GRM1: variants seen among roughly 807,000 people sequenced by gnomAD.
GRM1 encodes the protein glutamate metabotropic receptor 1.
Under a neutral mutation model 90.9 loss-of-function variants are expected in GRM1, and 33 were observed. The ratio of observed to expected loss-of-function variants is 0.36; its 90% CI spans 0.28 to 0.49. The LOEUF (loss-of-function observed/expected upper bound fraction) is 0.49. Ranked by LOEUF, GRM1 falls within the 20% of genes least tolerant of loss-of-function variation. GRM1 has a pLI of 0.99. For synonymous variants in GRM1, 700 were observed against 613.2 expected, an observed-to-expected ratio of 1.14 and a Z score of -2.09; for missense variants, 1,190 against 1,534.3, an observed-to-expected ratio of 0.78 and a Z score of 3.75.
intron 2 of GRM1, among the ~76,000 whole-genome samples, chr6:146,186,095 GTTTTTTT>G (rs111964915): frequency 3.0e-5 from 4 of 131,202 alleles, no homozygotes; most frequent in Admixed American, 2.3e-4. Context: ...ATTACAGCTG[GTTTTTTT>G]TTTTTTTTGT....
intron 6 of GRM1, among the ~76,000 whole-genome samples, chr6:146,394,870 C>T (rs1776871165): frequency 6.6e-6 from 1 of 152,030 alleles, no homozygotes; most frequent in Admixed American, 6.6e-5. Flanking sequence ...TCAAAGGTTT[C>T]TTTTGCAATT....
At chr6:146,154,390 C>T (rs900774930) in intron 1 of GRM1, among the ~76,000 whole-genome samples, 6 of 152,136 alleles carry the variant, frequency 3.9e-5, no homozygotes, top group African/African-American at 9.7e-5. Context: ...ATAAGCCATT[C>T]GCTGGCCAGC....
At chr6:146,302,005 G>C (rs1783401648) in intron 2 of GRM1, among the ~76,000 whole-genome samples, 1 of 151,950 alleles carries the variant, frequency 6.6e-6, no homozygotes, top group Non-Finnish European at 1.5e-5. Context: ...GACTTCCCAT[G>C]GTCTTCAGAC....
chr6:146,320,475 C>T (rs1266749721), intron 3 of GRM1, among the ~76,000 whole-genome samples: 1 of 152,142 alleles, frequency 6.6e-6, no homozygotes, highest in Non-Finnish European at 1.5e-5. Context: ...TGATGCTGGC[C>T]TCATAAAATG....
At chr6:146,187,327 T>C (rs2114568041) in intron 2 of GRM1, among the ~76,000 whole-genome samples, 1 of 152,248 alleles carries the variant, frequency 6.6e-6, no homozygotes, top group African/African-American at 2.4e-5. Context: ...ATAAAATAAA[T>C]GAAGACTGCA....
chr6:146,258,295 T>C (rs1296125824), intron 2 of GRM1, among the ~76,000 whole-genome samples: 1 of 152,200 alleles, frequency 6.6e-6, no homozygotes, highest in Non-Finnish European at 1.5e-5. Flanking sequence ...ATATGTATCA[T>C]GTGCCTATAT....
At position 146,437,106 on chromosome 6, in the gene GRM1, T is replaced by G. The variant is rs1318273426; in HGVS notation, c.*2310T>G. On this transcript the variant is annotated 3_prime_UTR_variant, in exon 8 of 8. Coordinates refer to ENST00000282753, the MANE Select transcript of GRM1 (RefSeq NM_001278064.2). ...ATCAATGGCTCCAGTGATTAATAGA[T>G]GGGTTTTTAGTAATTGACAAATTCA... 3 of 152,184 alleles carry G rather than the reference T, an allele frequency of 2.0e-5. No homozygotes were observed. The highest frequency in any genetic ancestry group is 6.5e-5 in the Admixed American group (1 of 15,280). 9.4% of individuals were successfully genotyped at this position (152,184 alleles called of 1,614,324 possible). A position where few individuals can be genotyped will look rare whatever the true frequency, so the allele number is the denominator to read the frequency against.
intron 2 of GRM1, among the ~76,000 whole-genome samples, chr6:146,225,526 CA>C (rs888887591): frequency 6.6e-6 from 1 of 151,994 alleles, no homozygotes; most frequent in Non-Finnish European, 1.5e-5. Context: ...ACTTCATTTT[CA>C]TTTTGAAGTA....
intron 2 of GRM1, among the ~76,000 whole-genome samples, chr6:146,279,300 CTT>C (rs1162579526): frequency 6.6e-6 from 1 of 151,976 alleles, no homozygotes; most frequent in African/African-American, 2.4e-5. Flanking sequence ...CAAATAATGA[CTT>C]TTGGTTTCTT....
chr6:146,292,434 A>T (rs1783018942), intron 2 of GRM1, among the ~76,000 whole-genome samples: 1 of 151,928 alleles, frequency 6.6e-6, no homozygotes, highest in South Asian at 2.1e-4. Flanking sequence ...CTTACAACTT[A>T]ACAAAATGCA....
intron 1 of GRM1, among the ~76,000 whole-genome samples, chr6:146,067,819 ATGT>A (rs1300669876): frequency 6.6e-6 from 1 of 152,206 alleles, no homozygotes; most frequent in South Asian, 2.1e-4. Flanking sequence ...AATTCTCAAA[ATGT>A]TGTGAAAATA....
At chr6:146,096,453 C>T (rs910729335) in intron 1 of GRM1, among the ~76,000 whole-genome samples, 2 of 152,176 alleles carry the variant, frequency 1.3e-5, no homozygotes, top group South Asian at 2.1e-4. Context: ...GCATTCCCAG[C>T]TGCTGGCCTG....
At position 146,399,586 on chromosome 6, in the gene GRM1, C is replaced by A. The variant is rs993938006; in HGVS notation, c.2547C>A (p.Ala849=). The A allele has an allele frequency of 6.2e-7, 1 of 1,614,066 alleles. No individual in the cohort carries two copies. Among genetic ancestry groups the A allele is most frequent in the East Asian group, 2.2e-5 (1 of 44,864 alleles). Residue 849 remains alanine, a synonymous_variant, in exon 7 of 8, where the codon GCC becomes GCA. Transcript: ENST00000282753. The surrounding 1 kb of genome is among the most constrained non-coding windows in gnomAD (Gnocchi z 5.4). ...AGCCTGAGAGGAATGTCCGCAGTGCCTTCACCACCTCTGATGTTGTCCGCA... is the reference window on the plus strand; with the variant it reads ...AGCCTGAGAGGAATGTCCGCAGTGCATTCACCACCTCTGATGTTGTCCGCA... ...IAKPERNVRS[A]FTTSDVVRMH...
chr6:146,285,094 T>G (rs1307266861), intron 2 of GRM1, among the ~76,000 whole-genome samples: 1 of 152,218 alleles, frequency 6.6e-6, no homozygotes, highest in Non-Finnish European at 1.5e-5. Flanking sequence ...TAATGTCATC[T>G]AGACAAATTT....
At chr6:146,234,409 C>A (rs1166027996) in intron 2 of GRM1, among the ~76,000 whole-genome samples, 1 of 151,640 alleles carries the variant, frequency 6.6e-6, no homozygotes, top group Non-Finnish European at 1.5e-5. Context: ...TTCTATTTCT[C>A]TTATTTCTTT....
chr6:146,071,574 A>C (rs1666163850), intron 1 of GRM1, among the ~76,000 whole-genome samples: 1 of 152,160 alleles, frequency 6.6e-6, no homozygotes, highest in South Asian at 2.1e-4. Context: ...AGAAAGCATG[A>C]AGCATTACTA....
intron 2 of GRM1, among the ~76,000 whole-genome samples, chr6:146,208,936 A>C (rs1283594059): frequency 6.6e-6 from 1 of 152,186 alleles, no homozygotes; most frequent in Non-Finnish European, 1.5e-5. Context: ...TGTAAAAATG[A>C]TATAAAAATG....
intron 2 of GRM1, among the ~76,000 whole-genome samples, chr6:146,288,769 G>T (rs1211457599): frequency 6.6e-6 from 1 of 152,120 alleles, no homozygotes; most frequent in African/African-American, 2.4e-5. Flanking sequence ...GCCACCCAAA[G>T]TGCTGGGATT....
At chr6:146,110,020 C>T (rs1775495283) in intron 1 of GRM1, among the ~76,000 whole-genome samples, 1 of 152,144 alleles carries the variant, frequency 6.6e-6, no homozygotes, top group Admixed American at 6.5e-5. Flanking sequence ...ATTTTATAGG[C>T]TCACAGGCAG....
Sources: allele counts gnomAD v4.1 joint callset (sites outside exome capture counted in the v4.1 genomes callset), GRCh38; gene constraint gnomAD v4.1.1; non-coding constraint Gnocchi (gnomAD v3.1); transcripts MANE v1.5; gene names NCBI Gene and HGNC (gene_info 2026-07-23, HGNC 2026-07-21).